ZNF106: variants seen among roughly 807,000 people sequenced by gnomAD.
ZNF106 encodes SH3-domain binding protein 3.
ZNF106 carries 67 observed loss-of-function variants against 195.1 expected under a neutral mutation model. The observed-to-expected ratio is 0.34, with a 90% CI of 0.28 to 0.42. The LOEUF (loss-of-function observed/expected upper bound fraction) is 0.42, where lower values mean the gene tolerates loss of function less well. ZNF106 is among the 10% of genes least tolerant of loss of function. The pLI, the probability that ZNF106 is intolerant of heterozygous loss-of-function variation, is 1.00. For missense variants in ZNF106, 2,118 were observed against 2,304.5 expected, an observed-to-expected ratio of 0.92 and a Z score of 1.66; for synonymous variants, 784 against 818.6, an observed-to-expected ratio of 0.96 and a Z score of 0.72.
intron 11 of ZNF106, 141 bp from the exon 12 acceptor site, chr15:42,438,808 T>C: frequency 1.1e-6 from 1 of 909,420 alleles, no homozygotes. Flanking sequence ...CCATCTGAAA[T>C]TTCTTAATGA....
In ZNF106 at chr15:42,417,018, T is replaced by C; in HGVS notation, c.*286A>G. ...AACCAATTAGGATCTGTATCTTCAA[T>C]AAACATCTGGAGAACGCAAATAGCA... On this transcript the variant is annotated 3_prime_UTR_variant, in exon 22 of 22. Coordinates refer to ENST00000564754, the MANE Select transcript of ZNF106 (RefSeq NM_001366845.3). 2 of 289,106 alleles carry C rather than the reference T, an allele frequency of 6.9e-6. No individual in the cohort carries two copies. Among genetic ancestry groups the C allele is most frequent in the Non-Finnish European group, 1.3e-5 (2 of 156,244 alleles). The allele number at this position is 289,106 out of a possible 1,614,324, so 17.9% of individuals were successfully genotyped here. A position where few individuals can be genotyped will look rare whatever the true frequency, so the allele number is the denominator to read the frequency against.
At chr15:42,445,342 T>C (rs1033567818) in intron 7 of ZNF106, among the ~76,000 whole-genome samples, 25 of 152,356 alleles carry the variant, frequency 1.6e-4, no homozygotes, top group African/African-American at 5.8e-4. Flanking sequence ...ACAGGACTTT[T>C]GCTTAGATTG....
Position 42,448,160 on chromosome 15 carries a change from A to G in ZNF106, c.3047T>C (p.Leu1016Ser). 1 of 1,614,198 alleles carries G rather than the reference A, an allele frequency of 6.2e-7. No individual in the cohort carries two copies. The highest frequency in any genetic ancestry group is 8.5e-7 in the Non-Finnish European group (1 of 1,180,022). Residue 1016 changes from leucine (L) to serine (S), a missense_variant, in exon 6 of 22, where the codon TTA (leucine) becomes TCA (serine). Physicochemically the swap from Leu to Ser is moderately radical, Grantham distance 145. Transcript: ENST00000564754. ...SASSALAISS[L>S]ADAATDSSCT... is the part of the protein sequence containing the mutation. ...GCTACTATCTGTGGCTGCATCCGCT[A>G]AACTGGAGATCGCAAGGGCTGAGGA...
rs758967239 is a variant in ZNF106, at chr15:42,439,801, T to C, written c.3776A>G (p.Asp1259Gly). Residue 1259 changes from aspartate to glycine, a missense_variant, in exon 11 of 22, where the codon GAC (aspartate) becomes GGC (glycine). Coordinates refer to ENST00000564754, the MANE Select transcript of ZNF106 (RefSeq NM_001366845.3). ...ELLEANREIS[D>G]SCPVYPVITA... is the part of the protein sequence containing the mutation. ...GATGACTGGATAAACTGGACAACTG[T>C]CACTGATCTCTCCTGAATTGAGAGG... The C allele has an allele frequency of 1.3e-6, 2 of 1,555,174 alleles. No homozygotes were observed. The highest frequency in any genetic ancestry group is 1.7e-6 in the Non-Finnish European group (2 of 1,156,462).
intron 14 of ZNF106, among the ~76,000 whole-genome samples, chr15:42,433,129 G>A (rs1049246384): frequency 9.9e-5 from 15 of 151,424 alleles, no homozygotes; most frequent in Admixed American, 2.0e-4. Context: ...TTTTTGAGAC[G>A]GAGTCTTGCT....
At chr15:42,440,706 G>C (rs1268691897) in intron 10 of ZNF106, among the ~76,000 whole-genome samples, 6 of 151,702 alleles carry the variant, frequency 4.0e-5, no homozygotes, top group Non-Finnish European at 5.9e-5. Context: ...CTAGGGGCTG[G>C]GCAAGGTGGC....
chr15:42,434,068 A>G (rs2055173219), intron 14 of ZNF106, among the ~76,000 whole-genome samples: 1 of 152,088 alleles, frequency 6.6e-6, no homozygotes, highest in Non-Finnish European at 1.5e-5. Context: ...GTTGGTCTTG[A>G]GCTCCTGGCC....
rs777031886 is a variant in ZNF106, at chr15:42,451,428, T to G, written c.844A>C (p.Met282Leu). 9.3e-6 allele frequency: 15 copies of G among 1,614,256 alleles called. No individual in the cohort carries two copies. In the South Asian group the frequency reaches 1.6e-4, roughly 18 times the overall value. ...GATTTCTTGTTCCATAGCATAGTCATGTCTTCCATTTGACAGTTAGAATTT... is the reference window on the plus strand; with the variant it reads ...GATTTCTTGTTCCATAGCATAGTCAGGTCTTCCATTTGACAGTTAGAATTT... ...NRNSNCQMED[M>L]TMLWNKKSNK... is the part of the protein sequence containing the mutation. The change falls in exon 5 of 22, where the codon ATG becomes CTG. Residue 282 changes from methionine to leucine, a missense_variant. Coordinates refer to ENST00000564754, the MANE Select transcript of ZNF106 (RefSeq NM_001366845.3).
intron 4 of ZNF106, among the ~76,000 whole-genome samples, chr15:42,453,493 A>C (rs2056118524): frequency 6.6e-6 from 1 of 152,186 alleles, no homozygotes. Context: ...CAAAATACTG[A>C]GTACTGCTAG....
chr15:42,424,098 G>A (rs773187965), intron 16 of ZNF106, 38 bp from the exon 17 acceptor site: 30 of 1,566,396 alleles, frequency 1.9e-5, no homozygotes, highest in African/African-American at 4.1e-5. Flanking sequence ...TTCTGTATAC[G>A]GTTCTTAATT....
chr15:42,485,669 C>A (rs894299767), intron 1 of ZNF106, among the ~76,000 whole-genome samples: 7 of 152,092 alleles, frequency 4.6e-5, no homozygotes, highest in African/African-American at 7.2e-5. Flanking sequence ...AGGATAGGCT[C>A]TGACCACCTG....
At chr15:42,420,026 A>G (rs2054602478) in intron 20 of ZNF106, among the ~76,000 whole-genome samples, 1 of 152,182 alleles carries the variant, frequency 6.6e-6, no homozygotes, top group Admixed American at 6.5e-5. Context: ...CCTTCTCTCT[A>G]TAAAGCCAGA....
In ZNF106 at chr15:42,466,042, C is replaced by T. The variant is rs532672282; in HGVS notation, c.116+11G>A. The T allele has an allele frequency of 2.0e-4, 308 of 1,532,540 alleles. 1 individual carries two copies. In the African/African-American group the frequency reaches 2.6e-3, roughly 13 times the overall value. 94.9% of individuals were successfully genotyped at this position (1,532,540 alleles called of 1,614,324 possible). A position where few individuals can be genotyped will look rare whatever the true frequency, so the allele number is the denominator to read the frequency against. ...CATTCACAAACTTATGGAAGAGAGC[C>T]GTTCCCATACCTGCCCTTGAGGTTC... On this transcript the variant is annotated intron_variant, in intron 3 of 21. Transcript: ENST00000564754.
At chr15:42,441,704 G>C (rs145095578) in intron 10 of ZNF106, 1 of 162,524 alleles carries the variant, frequency 6.2e-6, no homozygotes, top group Non-Finnish European at 1.3e-5. Flanking sequence ...AGATTATATA[G>C]ACAGTAAGTG....
chr15:42,449,406 C>T (rs573148583), intron 5 of ZNF106, among the ~76,000 whole-genome samples: 10 of 152,252 alleles, frequency 6.6e-5, no homozygotes, highest in South Asian at 6.2e-4. Flanking sequence ...AGTTATAGCA[C>T]GCATTCCAAA....
intron 3 of ZNF106, among the ~76,000 whole-genome samples, chr15:42,462,160 G>T (rs1326961682): frequency 1.3e-5 from 2 of 152,120 alleles, no homozygotes; most frequent in African/African-American, 4.8e-5. Flanking sequence ...ATTTTACTGT[G>T]ATCCACATAA....
In ZNF106 at chr15:42,451,089, A is replaced by T; in HGVS notation, c.1183T>A (p.Ser395Thr). The T allele has an allele frequency of 1.9e-6, 3 of 1,614,120 alleles. No homozygotes were observed. The highest frequency in any genetic ancestry group is 2.5e-6 in the Non-Finnish European group (3 of 1,180,016). Residue 395 changes from serine to threonine, a missense_variant, in exon 5 of 22, where the codon TCA becomes ACA. Coordinates refer to ENST00000564754, the MANE Select transcript of ZNF106 (RefSeq NM_001366845.3). ...AAGAGAGGTTTCTCTATCATTTCTGACTTGTTACCAGTGATGTCTTTCAAT... is the reference window on the plus strand; with the variant it reads ...AAGAGAGGTTTCTCTATCATTTCTGTCTTGTTACCAGTGATGTCTTTCAAT... ...SGLKDITGNK[S>T]EMIEKPLFDF...
intron 1 of ZNF106, among the ~76,000 whole-genome samples, chr15:42,483,765 G>A (rs1190159439): frequency 1.3e-5 from 2 of 152,090 alleles, no homozygotes; most frequent in Non-Finnish European, 2.9e-5. Context: ...GACATTTTCA[G>A]TTCTTCCCAC....
intron 2 of ZNF106, 45 bp from the exon 3 acceptor site, chr15:42,466,159 T>TA (rs2056512049): frequency 6.9e-7 from 1 of 1,440,898 alleles, no homozygotes; most frequent in African/African-American, 1.5e-5. Flanking sequence ...AGGATTGCTT[T>TA]GAAAAAAAAA....
Sources: gnomAD v4.1 joint callset for allele counts (sites outside exome capture counted in the v4.1 genomes callset) on GRCh38, gnomAD v4.1.1 for gene constraint, MANE v1.5 for transcripts, NCBI Gene and HGNC (gene_info 2026-07-23, HGNC 2026-07-21) for gene names.